Variants in MIER1 observed in about 807,000 individuals in gnomAD.
MIER1 encodes mesoderm induction early response protein 1.
MIER1 carries 40 observed loss-of-function variants against 75.7 expected under a neutral mutation model. That is an observed-to-expected ratio of 0.53 (90% CI 0.41 to 0.69). The LOEUF (loss-of-function observed/expected upper bound fraction) is 0.69, where lower values mean the gene tolerates loss of function less well. Ranked by LOEUF, MIER1 falls within the 30% of genes least tolerant of loss-of-function variation. The pLI is 0.00. For synonymous variants in MIER1, 213 were observed against 223.4 expected (o/e 0.95, Z 0.42); for missense variants, 574 against 680.2 (o/e 0.84, Z 1.74).
rs1666721383 is a variant in MIER1, at chr1:66,985,903, T to C, written c.*1003T>C. On this transcript the variant is annotated 3_prime_UTR_variant, in exon 14 of 14. Coordinates refer to ENST00000401041, the MANE Select transcript of MIER1 (RefSeq NM_001077700.3). ...TTAAGCATGATGCTTAGATTGCAGT[T>C]TGTTTTGCATTTGCTATAATTTTCA... The C allele has an allele frequency of 1.6e-5, 16 of 976,828 alleles. No homozygotes were observed. The highest frequency in any genetic ancestry group is 1.6e-5 in the Non-Finnish European group (13 of 822,274). The allele number at this position is 976,828 out of a possible 1,614,324, so 60.5% of individuals were successfully genotyped here.
chr1:66,946,464 T>A, intron 4 of MIER1, 169 bp downstream of exon 4: 6 of 1,346,800 alleles, frequency 4.5e-6, no homozygotes, highest in Non-Finnish European at 5.7e-6. Context: ...TGAAAGGATT[T>A]AAAAACAATA....
intron 2 of MIER1, among the ~76,000 whole-genome samples, chr1:66,926,557 C>T (rs1651840917): frequency 6.6e-6 from 1 of 152,066 alleles, no homozygotes; most frequent in African/African-American, 2.4e-5. Flanking sequence ...ATGAAACTAA[C>T]GAAAGATGAT....
Position 66,985,222 on chromosome 1 carries a change from A to C in MIER1, c.*322A>C. 4 of 968,626 alleles carry C rather than the reference A, an allele frequency of 4.1e-6. No homozygotes were observed. Among genetic ancestry groups the C allele is most frequent in the Non-Finnish European group, 4.9e-6 (4 of 811,926 alleles). 60.0% of individuals were successfully genotyped at this position (968,626 alleles called of 1,614,324 possible). ...CTGAATGAACTAAAGATGTATCTGT[A>C]CCTTCTCATTTGATGTATTAATCAT... On this transcript the variant is annotated 3_prime_UTR_variant, in exon 14 of 14. Coordinates refer to ENST00000401041, the MANE Select transcript of MIER1 (RefSeq NM_001077700.3).
intron 11 of MIER1, among the ~76,000 whole-genome samples, chr1:66,975,452 G>A (rs1007445555): frequency 2.0e-5 from 3 of 152,006 alleles, no homozygotes; most frequent in Non-Finnish European, 4.4e-5. Flanking sequence ...GCTTGAGCCT[G>A]GGAGGGCAAG....
At chr1:66,925,381 A>T (rs1448711774) in intron 1 of MIER1, 3 of 985,186 alleles carry the variant, frequency 3.0e-6, no homozygotes, top group Non-Finnish European at 1.2e-6. Flanking sequence ...TCCGCTGCGG[A>T]GTGAGTTCGC....
At chr1:66,966,665 G>A (rs922522727) in intron 8 of MIER1, among the ~76,000 whole-genome samples, 1 of 152,134 alleles carries the variant, frequency 6.6e-6, no homozygotes, top group African/African-American at 2.4e-5. Context: ...GTGTAAAAGT[G>A]TTCCTATTTC....
At chr1:66,948,584 C>G (rs1483118613) in intron 4 of MIER1, among the ~76,000 whole-genome samples, 1 of 152,088 alleles carries the variant, frequency 6.6e-6, no homozygotes, top group African/African-American at 2.4e-5. Context: ...AAAAGTCTTT[C>G]AAGAATGGGT....
At chr1:66,969,840 ATT>A (rs1663246947) in intron 8 of MIER1, among the ~76,000 whole-genome samples, 2 of 152,068 alleles carry the variant, frequency 1.3e-5, no homozygotes, top group African/African-American at 4.8e-5. Flanking sequence ...TTCACTTTCC[ATT>A]TATTCTTCAG....
intron 2 of MIER1, among the ~76,000 whole-genome samples, chr1:66,938,449 A>G (rs1440799186): frequency 6.6e-6 from 1 of 152,184 alleles, no homozygotes; most frequent in African/African-American, 2.4e-5. Flanking sequence ...TTGTAGCCTT[A>G]CAGAGAAGAT....
At chr1:66,930,493 C>G in intron 2 of MIER1, 3 of 1,327,880 alleles carry the variant, frequency 2.3e-6, no homozygotes, top group East Asian at 2.6e-5. Flanking sequence ...AGGAGAGGCC[C>G]GGCCCTGCTG....
chr1:66,980,524 A>AT (rs1398603518), intron 12 of MIER1, among the ~76,000 whole-genome samples: 1 of 152,208 alleles, frequency 6.6e-6, no homozygotes, highest in Non-Finnish European at 1.5e-5. Context: ...GATAACTACA[A>AT]TTAATAGCAT....
At chr1:66,978,647 A>G (rs569725823) in intron 12 of MIER1, among the ~76,000 whole-genome samples, 3 of 152,284 alleles carry the variant, frequency 2.0e-5, no homozygotes, top group African/African-American at 7.2e-5. Flanking sequence ...AACATCTTTT[A>G]TTTTTTTCAA....
In MIER1 at chr1:66,981,991, G is replaced by A. The variant is rs919247283; in HGVS notation, c.1369+73G>A. The A allele has an allele frequency of 2.2e-5, 34 of 1,527,926 alleles. No homozygotes were observed. In the South Asian group the frequency reaches 2.6e-4, roughly 12 times the overall value. The allele number at this position is 1,527,926 out of a possible 1,614,324, so 94.6% of individuals were successfully genotyped here. A position where few individuals can be genotyped will look rare whatever the true frequency, so the allele number is the denominator to read the frequency against. On this transcript the variant is annotated intron_variant, in intron 13 of 13. Transcript: ENST00000401041. The stretch of plus-strand genomic sequence containing the variant: ...TTCTTGCAGTGACTTGGGAAATTCC[G>A]TTTGGGTTTCTATTAAACTTCCAGA...
In MIER1 at chr1:66,988,298, A is replaced by G. The variant is rs1222623038; in HGVS notation, c.*3398A>G. The G allele has an allele frequency of 6.6e-6, 1 of 152,312 alleles. No homozygotes were observed. Among genetic ancestry groups the G allele is most frequent in the Non-Finnish European group, 1.5e-5 (1 of 68,018 alleles). The allele number at this position is 152,312 out of a possible 1,614,324, so 9.4% of individuals were successfully genotyped here. On this transcript the variant is annotated 3_prime_UTR_variant, in exon 14 of 14. Transcript: ENST00000401041. ...GACTTTTTCTGTATCACATAATTCT[A>G]CTGATACAACTTTTTACCGTAAAAA... is the stretch of plus-strand genomic sequence containing the variant.
chr1:66,943,581 C>A lies in MIER1; in HGVS notation c.194-2569C>A, dbSNP rs370141381. ...TTCCTTTCGTTTCCTTTCCTCCTTT[C>A]CTCTTTTCTTCCTTTCTTTTTTGAG... On this transcript the variant is annotated intron_variant, in intron 3 of 13. Coordinates refer to ENST00000401041, the MANE Select transcript of MIER1 (RefSeq NM_001077700.3). 3.3e-5 allele frequency among the ~76,000 whole-genome samples: 5 copies of A among 151,810 alleles called. 1 individual carries two copies. In the East Asian group the frequency reaches 5.8e-4, roughly 18 times the overall value.
At chr1:66,941,922 T>C (rs1282164626) in intron 3 of MIER1, among the ~76,000 whole-genome samples, 3 of 146,578 alleles carry the variant, frequency 2.0e-5, no homozygotes, top group Non-Finnish European at 4.4e-5. Context: ...TGAGCTGAGA[T>C]CATGCCACTG....
chr1:66,958,732 A>G, intron 5 of MIER1, 119 bp from the exon 6 acceptor site: 2 of 722,818 alleles, frequency 2.8e-6, no homozygotes, highest in Non-Finnish European at 4.3e-6. Context: ...GGATGATACT[A>G]CATCTAGTAT....
intron 2 of MIER1, chr1:66,929,002 T>TAA: frequency 8.0e-7 from 1 of 1,243,304 alleles, no homozygotes; most frequent in Non-Finnish European, 1.2e-6. Flanking sequence ...CATATATCTG[T>TAA]AAATGCAGTT....
intron 2 of MIER1, 147 bp from the exon 3 acceptor site, chr1:66,939,881 G>A (rs1281549205): frequency 6.8e-6 from 4 of 586,508 alleles, no homozygotes; most frequent in East Asian, 3.0e-5. Context: ...AGTTTGTCTT[G>A]GAAAATGCAG....
Sources: allele counts gnomAD v4.1 joint callset (sites outside exome capture counted in the v4.1 genomes callset), GRCh38; gene constraint gnomAD v4.1.1; transcripts MANE v1.5; gene names NCBI Gene and HGNC (gene_info 2026-07-23, HGNC 2026-07-21).